The following OTUD5 variants were observed in gnomAD, a reference collection of about 807,000 sequenced individuals.
The protein encoded by OTUD5 is OTU domain-containing protein 5.
Under a neutral mutation model 36.3 loss-of-function variants are expected in OTUD5, and 2 were observed. The observed-to-expected ratio is 0.06, with a 90% CI of 0.02 to 0.17. The LOEUF (loss-of-function observed/expected upper bound fraction) is 0.17, where lower values mean the gene tolerates loss of function less well. OTUD5 is among the 10% of genes least tolerant of loss of function. The probability of loss-of-function intolerance (pLI) is 1.00; values close to 1 mark genes in which losing one functional copy is unlikely to be tolerated. For missense variants in OTUD5, 233 were observed against 512.3 expected, an observed-to-expected ratio of 0.45 and a Z score of 5.26; for synonymous variants, 234 against 214.9, an observed-to-expected ratio of 1.09 and a Z score of -0.78.
chrX:48,956,808 G>C (rs782564867), intron 1 of OTUD5, among the ~76,000 whole-genome samples, 169 bp downstream of exon 1: 5 of 111,226 alleles, frequency 4.5e-5, no homozygotes, highest in Admixed American at 9.5e-5. Flanking sequence ...CAAAATCCTG[G>C]AGGGGAGGAA....
At chrX:48,925,781 G>A in intron 6 of OTUD5, 66 bp downstream of exon 6, 4 of 956,660 alleles carry the variant, frequency 4.2e-6, no homozygotes, top group Middle Eastern at 3.8e-4. Flanking sequence ...TTTTCTGCTC[G>A]CTTGAGGGCA....
chrX:48,950,535 C>G (rs888609841), intron 1 of OTUD5, among the ~76,000 whole-genome samples: 1 of 101,743 alleles, frequency 9.8e-6, no homozygotes, highest in Non-Finnish European at 2.0e-5. Context: ...ACTTCTCTCT[C>G]TCTTTTTTTT....
chrX:48,956,972 C>T lies in OTUD5; in HGVS notation c.594+5G>A. 1 of 1,166,231 alleles carries T rather than the reference C, an allele frequency of 8.6e-7. No homozygotes were observed. Among genetic ancestry groups the T allele is most frequent in the Non-Finnish European group, 1.1e-6 (1 of 872,645 alleles). ...GCCGCTCACCCCTCACCCCACAGCTCTTACCTGCTCGACAGTGGCAGGGTC... is the reference window on the plus strand; with the variant it reads ...GCCGCTCACCCCTCACCCCACAGCTTTTACCTGCTCGACAGTGGCAGGGTC... On this transcript the variant is annotated splice_donor_5th_base_variant and intron_variant, in intron 1 of 8. Coordinates refer to ENST00000376488, the MANE Select transcript of OTUD5 (RefSeq NM_001136157.2).
At chrX:48,956,615 C>T (rs1036460646) in intron 1 of OTUD5, among the ~76,000 whole-genome samples, 1 of 111,212 alleles carries the variant, frequency 9.0e-6, no homozygotes, top group Non-Finnish European at 1.9e-5. Context: ...TGAACACATA[C>T]CTAAGTCTCT....
Position 48,923,966 on chromosome X carries a change from C to A in OTUD5, c.1350G>T (p.Gln450His), listed in dbSNP as rs868951860. Residue 450 changes from glutamine to histidine, a missense_variant, in exon 7 of 9, where the codon CAG becomes CAT. Coordinates refer to ENST00000376488, the MANE Select transcript of OTUD5 (RefSeq NM_001136157.2). Reference sequence around the variant, plus strand: ...GCTCAGGTGACGAGGCTGAACTCCGCTGCCGCGGGGACCGGCTAGTCCACT... The same window carrying A: ...GCTCAGGTGACGAGGCTGAACTCCGATGCCGCGGGGACCGGCTAGTCCACT... ...LEEWTSRSPRQRSSASSPEHP... is the reference protein window; with the variant it reads ...LEEWTSRSPRHRSSASSPEHP... 4 of 1,209,026 alleles carry A rather than the reference C, an allele frequency of 3.3e-6. No homozygotes were observed. In the African/African-American group the frequency reaches 5.2e-5, roughly 16 times the overall value.
intron 2 of OTUD5, among the ~76,000 whole-genome samples, chrX:48,942,244 T>TACACAC (rs1188711919): frequency 0.081 from 4,606 of 56,969 alleles, 332 homozygotes; most frequent in Middle Eastern, 0.14. Flanking sequence ...CACACACACA[T>TACACAC]ACACACACAC....
intron 5 of OTUD5, among the ~76,000 whole-genome samples, chrX:48,928,638 G>A (rs902583388): frequency 1.8e-5 from 2 of 110,520 alleles, no homozygotes; most frequent in Admixed American, 9.7e-5. Flanking sequence ...ATTGGCCTGA[G>A]CAACACAGTG....
intron 1 of OTUD5, among the ~76,000 whole-genome samples, chrX:48,948,453 G>C (rs1314888769): frequency 8.9e-6 from 1 of 112,614 alleles, no homozygotes; most frequent in Admixed American, 9.4e-5. Flanking sequence ...AGAGGCAACA[G>C]GGAAGGCCCC....
chrX:48,938,165 G>A (rs1012426496), intron 2 of OTUD5, among the ~76,000 whole-genome samples: 6 of 111,799 alleles, frequency 5.4e-5, no homozygotes, highest in Non-Finnish European at 9.4e-5. Flanking sequence ...ACTGATAGGT[G>A]ATATGGTATA....
At chrX:48,937,839 G>A (rs1479641220) in intron 2 of OTUD5, among the ~76,000 whole-genome samples, 1 of 111,867 alleles carries the variant, frequency 8.9e-6, no homozygotes, top group Non-Finnish European at 1.9e-5. Context: ...AGTTACCCAC[G>A]AGTCAGCCAG....
At chrX:48,924,111 C>T in intron 6 of OTUD5, 59 bp from the exon 7 acceptor site, 1 of 1,068,507 alleles carries the variant, frequency 9.4e-7, no homozygotes. Context: ...TTCTTGTGAC[C>T]CATCCCTGAA....
upstream of OTUD5, chrX:48,957,958 C>T: frequency 2.7e-6 from 1 of 375,003 alleles, no homozygotes. Flanking sequence ...CGGGTGGGGC[C>T]CCGGGGCGCT....
intron 5 of OTUD5, among the ~76,000 whole-genome samples, chrX:48,931,821 G>T (rs1430091447): frequency 9.8e-6 from 1 of 102,392 alleles, no homozygotes; most frequent in Non-Finnish European, 2.0e-5. Flanking sequence ...TTCGCACATT[G>T]TAACAAATGT....
At chrX:48,954,511 G>A (rs1306304762) in intron 1 of OTUD5, among the ~76,000 whole-genome samples, 2 of 111,573 alleles carry the variant, frequency 1.8e-5, no homozygotes, top group African/African-American at 3.3e-5. Context: ...TACCCAACCA[G>A]AGAGAGAAGA....
At chrX:48,957,752 T>TGGC (rs1465009394), upstream of OTUD5, 90 of 769,986 alleles carry the variant, frequency 1.2e-4, no homozygotes, top group Middle Eastern at 1.4e-3. Context: ...GCGGCGGCGG[T>TGGC]GGCGGCGCGC....
chrX:48,957,308 C>G lies in OTUD5; in HGVS notation c.263G>C (p.Gly88Ala). The change falls in exon 1 of 9, where the codon GGT becomes GCT. Residue 88 changes from glycine (G) to alanine (A), a missense_variant. Coordinates refer to ENST00000376488, the MANE Select transcript of OTUD5 (RefSeq NM_001136157.2). The stretch of plus-strand genomic sequence containing the variant: ...TTGTGGCCGGGGACCCGCCACTGCA[C>G]CAGGCGGCACGGCCAGCGCCCAGCG... The part of the protein sequence containing the change: ...LHRWALAVPP[G>A]AVAGPRPQQA... 8.8e-7 allele frequency: 1 copy of G among 1,131,571 alleles called. No individual in the cohort carries two copies. Among genetic ancestry groups the G allele is most frequent in the Non-Finnish European group, 1.2e-6 (1 of 864,391 alleles). The allele number at this position is 1,131,571 out of a possible 1,213,427, so 93.3% of individuals were successfully genotyped here.
intron 5 of OTUD5, among the ~76,000 whole-genome samples, chrX:48,929,204 A>G (rs1344888825): frequency 3.7e-5 from 4 of 108,989 alleles, no homozygotes; most frequent in Admixed American, 9.9e-5. Flanking sequence ...CCTGGCCAAT[A>G]TGGTGAAACC....
intron 1 of OTUD5, among the ~76,000 whole-genome samples, chrX:48,952,060 A>AAAAAAC (rs200180396): frequency 5.4e-5 from 6 of 111,678 alleles, no homozygotes; most frequent in African/African-American, 1.6e-4. Flanking sequence ...CACCTTAAAA[A>AAAAAAC]AAAAACAAAA....
intron 1 of OTUD5, among the ~76,000 whole-genome samples, chrX:48,950,488 T>C (rs1402927184): frequency 4.6e-5 from 5 of 109,711 alleles, no homozygotes; most frequent in East Asian, 5.7e-4. Context: ...GTGAAACTGA[T>C]TGTGGACTTC....
Sources: gnomAD v4.1 joint callset for allele counts (sites outside exome capture counted in the v4.1 genomes callset) on GRCh38, gnomAD v4.1.1 for gene constraint, MANE v1.5 for transcripts, NCBI Gene and HGNC (gene_info 2026-07-23, HGNC 2026-07-21) for gene names.